The following SYNJ2 variants were observed in gnomAD, a reference collection of about 807,000 sequenced individuals.
SYNJ2 encodes the protein synaptojanin 2, also known as polyphosphatidylinositol phosphatase SYNJ2.
A neutral mutation model predicts 141.3 loss-of-function variants in SYNJ2; 116 were observed. The ratio of observed to expected loss-of-function variants is 0.82; its 90% CI spans 0.71 to 0.96. The LOEUF is 0.96. Ranked by LOEUF, SYNJ2 falls within the 40% of genes least tolerant of loss-of-function variation. SYNJ2 has a pLI of 0.00. For missense variants in SYNJ2, 1,873 were observed against 1,934.8 expected, an observed-to-expected ratio of 0.97 and a Z score of 0.60; for synonymous variants, 745 against 777.7, an observed-to-expected ratio of 0.96 and a Z score of 0.70.
chr6:158,016,050 C>T (rs1778441149), intron 1 of SYNJ2, among the ~76,000 whole-genome samples: 1 of 152,182 alleles, frequency 6.6e-6, no homozygotes, highest in African/African-American at 2.4e-5. Flanking sequence ...CCACTCTCAG[C>T]CCCTGGCAAC....
Position 158,096,317 on chromosome 6 carries a change from G to A in SYNJ2, c.4444G>A (p.Glu1482Lys). 1 of 1,613,528 alleles carries A rather than the reference G, an allele frequency of 6.2e-7. No individual in the cohort carries two copies. The highest frequency in any genetic ancestry group is 8.5e-7 in the Non-Finnish European group (1 of 1,179,908). Residue 1482 changes from glutamate to lysine, a missense_variant, in exon 27 of 27, where the codon GAA (glutamate) becomes AAA (lysine). Physicochemically the swap from Glu to Lys is moderately conservative, Grantham distance 56. Transcript: ENST00000355585. ...LGHWVTISDQEKRTALQVFDP... is the reference protein window; with the variant it reads ...LGHWVTISDQKKRTALQVFDP... ...TCACTGGGTGACAATCAGTGACCAA[G>A]AAAAGAGGACAGCACTGCAGGTGTT... is the stretch of plus-strand genomic sequence containing the variant.
At chr6:158,068,586 T>C in intron 12 of SYNJ2, 61 bp from the exon 13 acceptor site, 2 of 1,594,598 alleles carry the variant, frequency 1.3e-6, no homozygotes, top group Non-Finnish European at 1.7e-6. Flanking sequence ...GGGAGCCCCA[T>C]GAACTCGTAA....
rs1782874819 is a variant in SYNJ2, at chr6:158,084,006, A to T, written c.3040A>T (p.Ile1014Phe). Residue 1014 changes from isoleucine (I) to phenylalanine (F), a missense_variant, in exon 22 of 27, where the codon ATT becomes TTT. By Grantham distance (21) the Ile-to-Phe change is conservative. Coordinates refer to ENST00000355585, the MANE Select transcript of SYNJ2 (RefSeq NM_003898.4). The surrounding 1 kb of genome is among the most constrained non-coding windows in gnomAD (Gnocchi z 5.0). ...GATTCATTTCCTTCTCCCAGGGGAT[A>T]TTCTTGAAGACGATGAAGACTACTT... ...TSLDYESEGD[I>F]LEDDEDYLVD... The T allele has an allele frequency of 6.2e-7, 1 of 1,613,938 alleles. No homozygotes were observed. Among genetic ancestry groups the T allele is most frequent in the African/African-American group, 1.3e-5 (1 of 74,884 alleles).
chr6:158,035,793 T>C (rs892934239), intron 4 of SYNJ2, among the ~76,000 whole-genome samples: 6 of 152,130 alleles, frequency 3.9e-5, no homozygotes, highest in Non-Finnish European at 8.8e-5. Context: ...CATAAATGGC[T>C]CTTATTAGTT....
intron 20 of SYNJ2, among the ~76,000 whole-genome samples, chr6:158,082,577 G>T (rs1022406054): frequency 1.3e-5 from 2 of 151,280 alleles, no homozygotes; most frequent in African/African-American, 4.9e-5. Flanking sequence ...CAGGAGAATC[G>T]CTTGAACCTG....
chr6:158,003,768 A>G (rs972285698), intron 1 of SYNJ2, among the ~76,000 whole-genome samples: 1 of 152,114 alleles, frequency 6.6e-6, no homozygotes. Context: ...GGCTGCTCCC[A>G]CTGAGACCAG....
chr6:158,026,721 A>C (rs1779068083), intron 2 of SYNJ2: 4 of 485,698 alleles, frequency 8.2e-6, no homozygotes, highest in Non-Finnish European at 1.1e-5. Context: ...ACTCTCACGG[A>C]GTGATGTCAT....
chr6:158,027,323 G>A lies in SYNJ2; in HGVS notation c.215-1433G>A, dbSNP rs1182114147. On this transcript the variant is annotated intron_variant, in intron 2 of 26. Coordinates refer to ENST00000355585, the MANE Select transcript of SYNJ2 (RefSeq NM_003898.4). This position sits in a 1 kb window ranked among gnomAD's most constrained non-coding sequence, Gnocchi z 4.6. ...CTGGGCGGATCCTTCAGACCTCAGC[G>A]GGGTGGGAAGAGTGTCCTTGGGACT... is the stretch of plus-strand genomic sequence containing the variant. The A allele has an allele frequency of 1.4e-5, 8 of 565,262 alleles. No homozygotes were observed. Among genetic ancestry groups the A allele is most frequent in the Admixed American group, 6.3e-5 (1 of 15,772 alleles). 35.0% of individuals were successfully genotyped at this position (565,262 alleles called of 1,614,324 possible).
chr6:157,993,710 C>CT (rs34971762), intron 1 of SYNJ2, among the ~76,000 whole-genome samples: 12,083 of 40,512 alleles, frequency 0.3, 3,092 homozygotes, highest in African/African-American at 0.49. Flanking sequence ...TCTTGCATAG[C>CT]TTTTTTTTTT....
chr6:158,041,634 G>A (rs964471714), intron 4 of SYNJ2, among the ~76,000 whole-genome samples: 2 of 152,234 alleles, frequency 1.3e-5, no homozygotes, highest in African/African-American at 4.8e-5. Context: ...GATGCTGGAA[G>A]TGGCATTGTT....
chr6:158,037,031 G>A (rs1054079492), intron 4 of SYNJ2, among the ~76,000 whole-genome samples: 1 of 152,108 alleles, frequency 6.6e-6, no homozygotes. Flanking sequence ...GTCCTTTAGC[G>A]GCACTGTCCT....
In SYNJ2 at chr6:158,040,079, A is replaced by T. The variant is rs968622509; in HGVS notation, c.712-3237A>T. ...ATTCTCAGGAAGCCAGAAAAGGGGG[A>T]CCCTGTGGCACCCTCTGCTTTTGCT... is the stretch of plus-strand genomic sequence containing the variant. On this transcript the variant is annotated intron_variant, in intron 4 of 26. Transcript: ENST00000355585. The surrounding 1 kb of genome is among the most constrained non-coding windows in gnomAD (Gnocchi z 4.2). Among the ~76,000 whole-genome samples the T allele has an allele frequency of 1.3e-5, 2 of 151,858 alleles. No individual in the cohort carries two copies. The highest frequency in any genetic ancestry group is 4.8e-5 in the African/African-American group (2 of 41,296).
chr6:158,039,931 G>C (rs1053461008), intron 4 of SYNJ2, among the ~76,000 whole-genome samples: 1 of 152,198 alleles, frequency 6.6e-6, no homozygotes, highest in Non-Finnish European at 1.5e-5. Flanking sequence ...ATTTGGAAGT[G>C]GAGCGTGCAC....
intron 21 of SYNJ2, 109 bp downstream of exon 21, chr6:158,083,706 G>T (rs1444685763): frequency 2.1e-6 from 3 of 1,398,248 alleles, no homozygotes; most frequent in African/African-American, 1.4e-5. Context: ...GAGGACACCC[G>T]CAGGGCAAGC....
chr6:158,083,486 C>A lies in SYNJ2; in HGVS notation c.2923C>A (p.Arg975=). 1 of 1,614,096 alleles carries A rather than the reference C, an allele frequency of 6.2e-7. No homozygotes were observed. The change falls in exon 21 of 27, where the codon CGA becomes AGA. Residue 975 remains arginine, a synonymous_variant. Coordinates refer to ENST00000355585, the MANE Select transcript of SYNJ2 (RefSeq NM_003898.4). ...PKTKDWLKGL[R]EEIIRKRDSM... is the part of the protein sequence containing the mutation. ...GACCAAGGACTGGCTGAAAGGTTTG[C>A]GAGAGGAGATCATTCGGAAACGAGA... is the stretch of plus-strand genomic sequence containing the variant.
intron 5 of SYNJ2, among the ~76,000 whole-genome samples, chr6:158,047,796 A>AC (rs1780332519): frequency 6.7e-6 from 1 of 149,986 alleles, no homozygotes; most frequent in Non-Finnish European, 1.5e-5. Context: ...AAAAAAAAAA[A>AC]AAAAAAAAAC....
At chr6:157,987,963 A>G (rs1777269469) in intron 1 of SYNJ2, among the ~76,000 whole-genome samples, 1 of 152,382 alleles carries the variant, frequency 6.6e-6, no homozygotes, top group South Asian at 2.1e-4. Context: ...TCGGGAGGAC[A>G]AGGTCTGGGC....
intron 1 of SYNJ2, among the ~76,000 whole-genome samples, chr6:157,993,521 A>G (rs1322164791): frequency 6.6e-6 from 1 of 151,974 alleles, no homozygotes; most frequent in Non-Finnish European, 1.5e-5. Context: ...TTTGCTGTGC[A>G]AAAGCTTTTT....
In SYNJ2 at chr6:158,070,195, G is replaced by A. The variant is rs1474101201; in HGVS notation, c.1940+522G>A. On this transcript the variant is annotated intron_variant, in intron 14 of 26. Coordinates refer to ENST00000355585, the MANE Select transcript of SYNJ2 (RefSeq NM_003898.4). The surrounding 1 kb of genome is among the most constrained non-coding windows in gnomAD (Gnocchi z 4.0). Reference sequence around the variant, plus strand: ...TGTGGGTGTGGGTGTTTGGATGCTGGAGGAACTCATCTTTTCCCCAGCTTG... The same window carrying A: ...TGTGGGTGTGGGTGTTTGGATGCTGAAGGAACTCATCTTTTCCCCAGCTTG... 3 of 985,358 alleles carry A rather than the reference G, an allele frequency of 3.0e-6. No individual in the cohort carries two copies. The highest frequency in any genetic ancestry group is 1.2e-4 in the Admixed American group (2 of 16,258). The allele number at this position is 985,358 out of a possible 1,614,324, so 61.0% of individuals were successfully genotyped here. A position where few individuals can be genotyped will look rare whatever the true frequency, so the allele number is the denominator to read the frequency against.
Sources: allele counts gnomAD v4.1 joint callset (sites outside exome capture counted in the v4.1 genomes callset), GRCh38; gene constraint gnomAD v4.1.1; non-coding constraint Gnocchi (gnomAD v3.1); transcripts MANE v1.5; gene names NCBI Gene and HGNC (gene_info 2026-07-23, HGNC 2026-07-21).